The following PCSK6 variants were observed in gnomAD, a reference collection of about 807,000 sequenced individuals.
PCSK6 encodes the protein paired basic amino acid cleaving enzyme 4.
In PCSK6, 85 loss-of-function variants were observed where a neutral mutation model predicts 123.3. The observed-to-expected ratio is 0.69, with a 90% CI of 0.58 to 0.83. PCSK6 has a LOEUF of 0.83. Ranked by LOEUF, PCSK6 falls within the 40% of genes least tolerant of loss-of-function variation. The pLI is 0.00. For missense variants in PCSK6, 1,191 were observed against 1,282.3 expected (o/e 0.93, Z 1.09); for synonymous variants, 508 against 516.0 (o/e 0.98, Z 0.21).
intron 13 of PCSK6, among the ~76,000 whole-genome samples, chr15:101,340,723 G>T (rs2040582139): frequency 6.6e-6 from 1 of 152,080 alleles, no homozygotes; most frequent in Non-Finnish European, 1.5e-5. Context: ...TGAGAATTCA[G>T]TTCTCTTACA....
chr15:101,347,250 A>G (rs1270693393), intron 13 of PCSK6: 6 of 1,232,514 alleles, frequency 4.9e-6, no homozygotes, highest in Non-Finnish European at 6.1e-6. Context: ...ACAGATTGCA[A>G]AATCTCAACT....
chr15:101,435,593 A>G (rs1455138377), intron 2 of PCSK6, among the ~76,000 whole-genome samples: 1 of 152,240 alleles, frequency 6.6e-6, no homozygotes, highest in Non-Finnish European at 1.5e-5. Context: ...CCTGCTAAAC[A>G]TGCAGCACAG....
chr15:101,442,897 C>T (rs2056793016), intron 2 of PCSK6, among the ~76,000 whole-genome samples: 1 of 152,142 alleles, frequency 6.6e-6, no homozygotes, highest in South Asian at 2.1e-4. Flanking sequence ...ACGGGCCCTG[C>T]TATGGACAGA....
chr15:101,369,227 A>G (rs1436301545), intron 12 of PCSK6, among the ~76,000 whole-genome samples: 1 of 152,234 alleles, frequency 6.6e-6, no homozygotes, highest in Non-Finnish European at 1.5e-5. Flanking sequence ...AATCCTCTGG[A>G]CAATGGCCCT....
At chr15:101,416,382 G>C (rs1022123999) in intron 6 of PCSK6, among the ~76,000 whole-genome samples, 2 of 152,226 alleles carry the variant, frequency 1.3e-5, no homozygotes, top group Non-Finnish European at 2.9e-5. Flanking sequence ...AAGGTGACTT[G>C]GGTGCTGTTA....
intron 11 of PCSK6, among the ~76,000 whole-genome samples, chr15:101,375,427 G>A (rs959723925): frequency 3.9e-5 from 6 of 152,118 alleles, no homozygotes; most frequent in African/African-American, 1.4e-4. Context: ...TTTCCTGTAC[G>A]TTAAATGAGG....
intron 7 of PCSK6, among the ~76,000 whole-genome samples, chr15:101,393,995 C>A (rs2042317897): frequency 6.6e-6 from 1 of 152,184 alleles, no homozygotes; most frequent in African/African-American, 2.4e-5. Context: ...AGGGTTACGT[C>A]CAGGAAGCTG....
chr15:101,398,362 C>G lies in PCSK6; in HGVS notation c.996+42G>C, dbSNP rs1370082463. On this transcript the variant is annotated intron_variant, in intron 7 of 21. Transcript: ENST00000611716. The surrounding 1 kb of genome is among the most constrained non-coding windows in gnomAD (Gnocchi z 4.6). ...TACTTGTTAAAATGTTTACTGTCACCCTTGTCCCAGAGCGCTCCCCTGTAG... is the reference window on the plus strand; with the variant it reads ...TACTTGTTAAAATGTTTACTGTCACGCTTGTCCCAGAGCGCTCCCCTGTAG... 6.4e-7 allele frequency: 1 copy of G among 1,564,928 alleles called. No homozygotes were observed. Among genetic ancestry groups the G allele is most frequent in the South Asian group, 1.2e-5 (1 of 84,092 alleles).
intron 1 of PCSK6, among the ~76,000 whole-genome samples, chr15:101,459,250 A>G (rs1293423162): frequency 6.6e-6 from 1 of 152,138 alleles, no homozygotes; most frequent in Non-Finnish European, 1.5e-5. Context: ...ACGTGCCTGC[A>G]CAGGGAATCA....
chr15:101,467,781 G>T (rs1038595715), intron 1 of PCSK6, among the ~76,000 whole-genome samples: 1 of 152,192 alleles, frequency 6.6e-6, no homozygotes, highest in African/African-American at 2.4e-5. Flanking sequence ...ACCCCACACA[G>T]TACATCATTC....
At chr15:101,417,311 GT>G (rs1369013916) in intron 6 of PCSK6, among the ~76,000 whole-genome samples, 1 of 152,140 alleles carries the variant, frequency 6.6e-6, no homozygotes, top group African/African-American at 2.4e-5. Flanking sequence ...TCTTGGGTAT[GT>G]CTTTATCAGC....
intron 13 of PCSK6, among the ~76,000 whole-genome samples, chr15:101,357,118 G>C (rs2041066907): frequency 6.6e-6 from 1 of 152,190 alleles, no homozygotes; most frequent in African/African-American, 2.4e-5. Flanking sequence ...ATTTGCAGGA[G>C]ATTGAAATGA....
At chr15:101,343,079 T>C (rs906231720) in intron 13 of PCSK6, among the ~76,000 whole-genome samples, 3 of 152,230 alleles carry the variant, frequency 2.0e-5, no homozygotes, top group Middle Eastern at 3.2e-3. Flanking sequence ...ATAGAATCAA[T>C]TTCTTTAATA....
In PCSK6 at chr15:101,480,824, C is replaced by G. The variant is rs772551161; in HGVS notation, c.297+8550G>C. Among the ~76,000 whole-genome samples, 3 of 152,188 alleles carry G rather than the reference C, an allele frequency of 2.0e-5. No individual in the cohort carries two copies. In the South Asian group the frequency reaches 6.2e-4, roughly 32 times the overall value. On this transcript the variant is annotated intron_variant, in intron 1 of 21. Coordinates refer to ENST00000611716, the MANE Select transcript of PCSK6 (RefSeq NM_002570.5). ...AAGAGGGTGTCCTCATGTACAAGTA[C>G]GTACGTGGCAGGGCCTATCGAGTGA... is the stretch of plus-strand genomic sequence containing the variant.
chr15:101,401,261 G>T (rs1596294089), intron 6 of PCSK6, among the ~76,000 whole-genome samples: 1 of 152,346 alleles, frequency 6.6e-6, no homozygotes. Context: ...ATGGAGGATG[G>T]GGCTGAAGTC....
chr15:101,397,963 G>A (rs1410391046), intron 7 of PCSK6, among the ~76,000 whole-genome samples: 2 of 152,238 alleles, frequency 1.3e-5, no homozygotes, highest in African/African-American at 4.8e-5. Flanking sequence ...TGCTGCAGCG[G>A]GGCCTGGGTG....
At chr15:101,350,859 C>T (rs896927927) in intron 13 of PCSK6, among the ~76,000 whole-genome samples, 14 of 152,164 alleles carry the variant, frequency 9.2e-5, no homozygotes, top group Admixed American at 2.6e-4. Context: ...GCGCTGCAGC[C>T]GACCAGCACT....
At chr15:101,457,445 GCCCCAGCCT>G (rs1326211155) in intron 1 of PCSK6, among the ~76,000 whole-genome samples, 1 of 152,352 alleles carries the variant, frequency 6.6e-6, no homozygotes, top group South Asian at 2.1e-4. Context: ...ACAGAGAGCA[GCCCCAGCCT>G]CCCAGGGCGC....
intron 13 of PCSK6, among the ~76,000 whole-genome samples, chr15:101,335,537 A>G (rs2040459822): frequency 6.6e-6 from 1 of 152,200 alleles, no homozygotes. Context: ...TTTCTGAAGC[A>G]TTTTATTCTT....
Sources: allele counts gnomAD v4.1 joint callset (sites outside exome capture counted in the v4.1 genomes callset), GRCh38; gene constraint gnomAD v4.1.1; non-coding constraint Gnocchi (gnomAD v3.1); transcripts MANE v1.5; gene names NCBI Gene and HGNC (gene_info 2026-07-23, HGNC 2026-07-21).